The following RELCH variants were observed in gnomAD, a reference collection of about 807,000 sequenced individuals.
RELCH encodes RAB11-binding protein RELCH.
Under a neutral mutation model 150.3 loss-of-function variants are expected in RELCH, and 41 were observed. The observed-to-expected ratio is 0.27, with a 90% confidence interval of 0.21 to 0.35. The LOEUF (loss-of-function observed/expected upper bound fraction) is 0.35, where lower values mean the gene tolerates loss of function less well. Ranked by LOEUF, RELCH falls within the 10% of genes least tolerant of loss-of-function variation. The probability of loss-of-function intolerance (pLI) is 1.00; values close to 1 mark genes in which losing one functional copy is unlikely to be tolerated. For synonymous variants in RELCH, 478 were observed against 531.8 expected, an observed-to-expected ratio of 0.90 and a Z score of 1.39; for missense variants, 1,092 against 1,467.8, an observed-to-expected ratio of 0.74 and a Z score of 4.18.
At chr18:62,194,119 A>G (rs1212050905) in intron 1 of RELCH, among the ~76,000 whole-genome samples, 8 of 152,108 alleles carry the variant, frequency 5.3e-5, no homozygotes, top group Non-Finnish European at 1.0e-4. Context: ...ATGGTGGCCT[A>G]TGCCTGTGGT....
chr18:62,248,616 C>T lies in RELCH; in HGVS notation c.1733+3740C>T, dbSNP rs578100513. Among the ~76,000 whole-genome samples the T allele has an allele frequency of 9.3e-4, 141 of 152,138 alleles. 1 individual carries two copies. The highest frequency in any genetic ancestry group is 2.3e-3 in the South Asian group (11 of 4,822). On this transcript the variant is annotated intron_variant, in intron 11 of 28. Transcript: ENST00000644646. The stretch of plus-strand genomic sequence containing the variant: ...TTCTCCTAAACATTCCCCTTTTTCC[C>T]ACAGATGAACTAGATACATTATGAT...
intron 16 of RELCH, 93 bp from the exon 17 acceptor site, chr18:62,263,896 G>A: frequency 2.4e-6 from 2 of 839,130 alleles, no homozygotes; most frequent in East Asian, 2.9e-5. Context: ...AATTAAATAT[G>A]AGGAGAAAGG....
chr18:62,268,835 C>T, intron 19 of RELCH, 34 bp from the exon 20 acceptor site: 1 of 1,113,954 alleles, frequency 9.0e-7, no homozygotes, highest in Non-Finnish European at 1.3e-6. Context: ...TTAAAATATA[C>T]TTATGTTTTT....
At chr18:62,304,389 A>G (rs568933482) in intron 28 of RELCH, among the ~76,000 whole-genome samples, 1 of 152,300 alleles carries the variant, frequency 6.6e-6, no homozygotes, top group South Asian at 2.1e-4. Flanking sequence ...TAACTTGAGT[A>G]ATTCACAGTG....
intron 5 of RELCH, among the ~76,000 whole-genome samples, chr18:62,224,409 G>A (rs909398308): frequency 2.0e-5 from 3 of 152,120 alleles, no homozygotes; most frequent in Non-Finnish European, 4.4e-5. Context: ...GCATCATACT[G>A]AAGATTCTAG....
chr18:62,294,294 A>C (rs2045298817), intron 27 of RELCH, among the ~76,000 whole-genome samples: 1 of 152,202 alleles, frequency 6.6e-6, no homozygotes, highest in Admixed American at 6.5e-5. Context: ...GTTTTCCAAA[A>C]TGCTAACAAT....
chr18:62,266,826 T>TA (rs1487127916), intron 19 of RELCH, 77 bp downstream of exon 19: 2 of 831,724 alleles, frequency 2.4e-6, no homozygotes, highest in African/African-American at 3.5e-5. Context: ...TCCATATATG[T>TA]AAATTGTATA....
intron 18 of RELCH, among the ~76,000 whole-genome samples, chr18:62,265,875 C>G (rs1365750315): frequency 6.6e-6 from 1 of 151,874 alleles, no homozygotes; most frequent in Non-Finnish European, 1.5e-5. Flanking sequence ...TGTGCCTCAC[C>G]TACAGAGAGG....
intron 13 of RELCH, among the ~76,000 whole-genome samples, chr18:62,257,235 G>T (rs974147): frequency 0.73 from 111,040 of 151,950 alleles, 40,855 homozygotes; most frequent in East Asian, 0.91. Flanking sequence ...CCTCAGCCAT[G>T]AAGCTAAAAC....
At chr18:62,201,807 A>G (rs1171384268) in intron 1 of RELCH, among the ~76,000 whole-genome samples, 1 of 152,190 alleles carries the variant, frequency 6.6e-6, no homozygotes, top group Non-Finnish European at 1.5e-5. Flanking sequence ...TTCAATAAAT[A>G]TTTAAATTAC....
chr18:62,218,303 G>C lies in RELCH; in HGVS notation c.617-2734G>C, dbSNP rs2040611908. On this transcript the variant is annotated intron_variant, in intron 2 of 28. Coordinates refer to ENST00000644646, the MANE Select transcript of RELCH (RefSeq NM_001346231.2). ...ATTGGAACTCATCAATAATGAACTA[G>C]AATGGGAATGAAAAAATACTTCTTC... Among the ~76,000 whole-genome samples the C allele has an allele frequency of 2.0e-5, 3 of 151,768 alleles. No individual in the cohort carries two copies. The South Asian group carries it at 6.2e-4, about 31-fold the overall frequency.
intron 15 of RELCH, among the ~76,000 whole-genome samples, chr18:62,259,609 C>T (rs988462228): frequency 1.3e-5 from 2 of 151,788 alleles, no homozygotes; most frequent in African/African-American, 2.4e-5. Flanking sequence ...ATATGGAGGA[C>T]ATTCTTTAAG....
In RELCH at chr18:62,220,968, A is replaced by T; in HGVS notation, c.617-69A>T. On this transcript the variant is annotated intron_variant, in intron 2 of 28. Coordinates refer to ENST00000644646, the MANE Select transcript of RELCH (RefSeq NM_001346231.2). ...TTTTTCATACCCATCCTTGCTTTTT[A>T]TTTTTTAATTTTTGTTTCCCTTTTC... The T allele has an allele frequency of 7.9e-7, 1 of 1,267,300 alleles. No homozygotes were observed. Among genetic ancestry groups the T allele is most frequent in the Non-Finnish European group, 1.1e-6 (1 of 883,634 alleles). The allele number at this position is 1,267,300 out of a possible 1,614,324, so 78.5% of individuals were successfully genotyped here.
intron 5 of RELCH, among the ~76,000 whole-genome samples, chr18:62,224,127 T>C (rs1233875206): frequency 6.6e-6 from 1 of 152,062 alleles, no homozygotes; most frequent in African/African-American, 2.4e-5. Context: ...CAGCCCCTCA[T>C]GCCCCAACAG....
At position 62,260,185 on chromosome 18, in the gene RELCH, C is replaced by T. The variant is rs557344870; in HGVS notation, c.2203-1326C>T. Among the ~76,000 whole-genome samples the T allele has an allele frequency of 1.3e-3, 21 of 16,310 alleles. No homozygotes were observed. The East Asian group carries it at 0.085, about 66-fold the overall frequency. The allele number at this position is 16,310 out of a possible 152,430, so 10.7% of individuals were successfully genotyped here. ...CCAAAATATGTAAGGATTCAAACAA[C>T]TCAACAGCAAAAAAAAAAAATCCAA... On this transcript the variant is annotated intron_variant, in intron 15 of 28. Coordinates refer to ENST00000644646, the MANE Select transcript of RELCH (RefSeq NM_001346231.2).
chr18:62,231,724 T>C (rs1008025774), intron 9 of RELCH, among the ~76,000 whole-genome samples: 1 of 151,938 alleles, frequency 6.6e-6, no homozygotes, highest in Non-Finnish European at 1.5e-5. Context: ...CTTGAGGGGG[T>C]ATTTTATTAT....
chr18:62,240,414 CT>C (rs1057403539), intron 10 of RELCH, among the ~76,000 whole-genome samples: 43 of 140,628 alleles, frequency 3.1e-4, no homozygotes, highest in Admixed American at 3.6e-4. Context: ...TTTTCTTTTT[CT>C]TTTTTTTTTT....
intron 5 of RELCH, among the ~76,000 whole-genome samples, chr18:62,226,413 G>A (rs1185177689): frequency 6.6e-6 from 1 of 152,044 alleles, no homozygotes; most frequent in Non-Finnish European, 1.5e-5. Context: ...ATTGCCAGAA[G>A]TATTTGTAAT....
intron 14 of RELCH, 89 bp downstream of exon 14, chr18:62,258,177 T>A: frequency 8.2e-7 from 1 of 1,214,556 alleles, no homozygotes; most frequent in Non-Finnish European, 1.2e-6. Context: ...TACTTTATAA[T>A]GTATCATAAG....
Sources: allele counts gnomAD v4.1 joint callset (sites outside exome capture counted in the v4.1 genomes callset), GRCh38; gene constraint gnomAD v4.1.1; transcripts MANE v1.5; gene names NCBI Gene and HGNC (gene_info 2026-07-23, HGNC 2026-07-21).